The following LMO7 variants were observed in gnomAD, a reference collection of about 807,000 sequenced individuals.
LMO7 encodes LIM domain only protein 7.
Under a neutral mutation model 206.5 loss-of-function variants are expected in LMO7, and 120 were observed. The observed-to-expected ratio is 0.58, with a 90% CI of 0.50 to 0.68. The LOEUF is 0.68. Among genes scored for constraint, LMO7 ranks in the 30% least tolerant of loss-of-function variants. LMO7 has a pLI of 0.00. For synonymous variants in LMO7, 706 were observed against 681.5 expected (o/e 1.04, Z -0.56); for missense variants, 1,959 against 1,957.9 (o/e 1.00, Z -0.01).
chr13:75,809,370 A>T (rs2055995177), intron 11 of LMO7, among the ~76,000 whole-genome samples, 187 bp downstream of exon 11: 1 of 152,230 alleles, frequency 6.6e-6, no homozygotes, highest in African/African-American at 2.4e-5. Flanking sequence ...CCAGTGCAAG[A>T]TAAAATTATT....
At chr13:75,732,462 G>A (rs1244717375) in intron 3 of LMO7, among the ~76,000 whole-genome samples, 1 of 152,112 alleles carries the variant, frequency 6.6e-6, no homozygotes, top group African/African-American at 2.4e-5. Context: ...TCGAGCCTTG[G>A]CTTTCAGCTC....
chr13:75,647,219 A>T (rs1195674009), intron 1 of LMO7, among the ~76,000 whole-genome samples: 1 of 152,210 alleles, frequency 6.6e-6, no homozygotes, highest in African/African-American at 2.4e-5. Flanking sequence ...TATTCCTGGG[A>T]AAAGTAAGTG....
chr13:75,809,335 T>A (rs1052869328), intron 11 of LMO7, 152 bp downstream of exon 11: 66 of 645,088 alleles, frequency 1.0e-4, no homozygotes, highest in Non-Finnish European at 8.1e-5. Context: ...TGCAACCTAA[T>A]GGTAATATTT....
intron 1 of LMO7, among the ~76,000 whole-genome samples, chr13:75,686,015 C>A (rs1419503734): frequency 1.3e-5 from 2 of 150,222 alleles, no homozygotes; most frequent in African/African-American, 4.9e-5. Flanking sequence ...GCTGGGACTA[C>A]AGGTGTGCAT....
intron 1 of LMO7, among the ~76,000 whole-genome samples, chr13:75,696,512 G>A (rs2041916408): frequency 6.6e-6 from 1 of 152,084 alleles, no homozygotes; most frequent in Non-Finnish European, 1.5e-5. Flanking sequence ...TATAGAATTG[G>A]GACTTAGTAG....
rs370211856 is a variant in LMO7, at chr13:75,771,078, A to G, written c.317+10040A>G. 1.2e-4 allele frequency among the ~76,000 whole-genome samples: 19 copies of G among 152,214 alleles called. 1 individual carries two copies. In the South Asian group the frequency reaches 3.9e-3, roughly 32 times the overall value. On this transcript the variant is annotated intron_variant, in intron 4 of 30. Coordinates refer to ENST00000377534, the MANE Select transcript of LMO7 (RefSeq NM_001306080.2). ...CTATACCCAGAATGGATTTGTGTAC[A>G]TGATTGAGAATGCCTTATTTGATAT... is the stretch of plus-strand genomic sequence containing the variant.
At chr13:75,800,478 C>T (rs2054584953) in intron 6 of LMO7, among the ~76,000 whole-genome samples, 1 of 151,968 alleles carries the variant, frequency 6.6e-6, no homozygotes, top group Non-Finnish European at 1.5e-5. Flanking sequence ...TTGAATACCC[C>T]CTTATTGTAT....
chr13:75,790,988 T>A (rs1347823194), intron 4 of LMO7, among the ~76,000 whole-genome samples: 1 of 151,882 alleles, frequency 6.6e-6, no homozygotes, highest in African/African-American at 2.4e-5. Context: ...TACCCCTTTT[T>A]TTTTTTTGGA....
intron 1 of LMO7, among the ~76,000 whole-genome samples, chr13:75,671,875 C>T (rs1232850606): frequency 6.6e-6 from 1 of 151,952 alleles, no homozygotes; most frequent in Non-Finnish European, 1.5e-5. Context: ...TGCATCATCC[C>T]GAGTTGTCAC....
chr13:75,689,658 G>GC (rs1427937908), intron 1 of LMO7, among the ~76,000 whole-genome samples: 2 of 152,156 alleles, frequency 1.3e-5, no homozygotes, highest in Non-Finnish European at 2.9e-5. Flanking sequence ...GACTTGCTAA[G>GC]CCTTCTGGCC....
intron 3 of LMO7, among the ~76,000 whole-genome samples, chr13:75,735,154 T>A (rs9600537): frequency 0.014 from 2,072 of 150,262 alleles, 44 homozygotes; most frequent in African/African-American, 0.046. Context: ...TGTATGTACA[T>A]ACACATGGAG....
intron 1 of LMO7, 111 bp downstream of exon 1, chr13:75,636,837 C>T (rs1214073522): frequency 9.3e-6 from 10 of 1,073,924 alleles, no homozygotes; most frequent in Non-Finnish European, 1.4e-5. Context: ...TTCGGCGACC[C>T]AGCCGACGTG....
At chr13:75,740,518 G>A (rs1443877521) in intron 3 of LMO7, among the ~76,000 whole-genome samples, 2 of 152,186 alleles carry the variant, frequency 1.3e-5, no homozygotes, top group African/African-American at 2.4e-5. Context: ...GGGAAGAGAT[G>A]GGAAGGTGGT....
intron 3 of LMO7, among the ~76,000 whole-genome samples, chr13:75,737,780 AAT>A (rs1333913607): frequency 8.8e-5 from 7 of 79,122 alleles, no homozygotes; most frequent in African/African-American, 1.6e-4. Flanking sequence ...AATAAAATAA[AAT>A]AAAAAAAAAA....
chr13:75,640,414 C>T (rs2036420931), intron 1 of LMO7, among the ~76,000 whole-genome samples: 1 of 152,132 alleles, frequency 6.6e-6, no homozygotes, highest in African/African-American at 2.4e-5. Flanking sequence ...TTGTCACCTC[C>T]ATGTTTTCGT....
intron 5 of LMO7, 36 bp from the exon 6 acceptor site, chr13:75,796,600 C>A: frequency 1.5e-6 from 2 of 1,319,272 alleles, no homozygotes; most frequent in East Asian, 4.6e-5. Context: ...TGCTAATCGA[C>A]TGATCTTGTT....
chr13:75,690,060 C>G (rs1195663488), intron 1 of LMO7, among the ~76,000 whole-genome samples: 4 of 151,696 alleles, frequency 2.6e-5, no homozygotes, highest in Non-Finnish European at 5.9e-5. Context: ...GTGCTGAGCC[C>G]TCCTTTTTTT....
At chr13:75,835,157 G>A (rs2059018891) in intron 17 of LMO7, 76 bp from the exon 18 acceptor site, 1 of 1,584,668 alleles carries the variant, frequency 6.3e-7, no homozygotes, top group East Asian at 2.3e-5. Flanking sequence ...ATCAGACTGG[G>A]GCAAAGACCA....
chr13:75,795,560 T>G, intron 5 of LMO7, 129 bp downstream of exon 5: 1 of 646,154 alleles, frequency 1.5e-6, no homozygotes, highest in Non-Finnish European at 2.7e-6. Context: ...AACCAATCAG[T>G]TACAAACAGT....
Sources: allele counts gnomAD v4.1 joint callset (sites outside exome capture counted in the v4.1 genomes callset), GRCh38; gene constraint gnomAD v4.1.1; transcripts MANE v1.5; gene names NCBI Gene and HGNC (gene_info 2026-07-23, HGNC 2026-07-21).